MGST1: variants seen among roughly 807,000 people sequenced by gnomAD.
The protein encoded by MGST1 is glutathione S-transferase 12.
In MGST1, 5 loss-of-function variants were observed where a neutral mutation model predicts 8.9. That is an observed-to-expected ratio of 0.56 (90% CI 0.29 to 1.19). MGST1 has a LOEUF of 1.19. Ranked by LOEUF, MGST1 falls within the 50% of genes most tolerant of loss-of-function variation. The pLI is 0.08. For missense variants in MGST1, 182 were observed against 187.4 expected (o/e 0.97, Z 0.17); for synonymous variants, 54 against 67.8 (o/e 0.80, Z 1.00).
rs140616159 is a variant in MGST1 at position 16,373,862 on chromosome 12, T to C, written c.222-2260T>C. On this transcript the variant is annotated intron_variant, in intron 3 of 3. Coordinates refer to the MGST1 transcript ENST00000535309. Reference sequence around the variant, plus strand: ...ACTCAGTAATTTTTCAAGAATTTTCTCAGTTGTTAAAGGATTGAAATATTG... The same window carrying C: ...ACTCAGTAATTTTTCAAGAATTTTCCCAGTTGTTAAAGGATTGAAATATTG... 3.7e-3 allele frequency among the ~76,000 whole-genome samples: 561 copies of C among 152,248 alleles called. 3 individuals are homozygous for C. The highest frequency in any genetic ancestry group is 0.012 in the African/African-American group (495 of 41,574).
chr12:16,399,659 A>G (rs1940635895), intron 1 of MGST1: 2 of 1,572,018 alleles, frequency 1.3e-6, no homozygotes, highest in South Asian at 2.2e-5. Context: ...CAGGCTCCAG[A>G]AAAGACCAGA....
In MGST1 at chr12:16,401,553, C is replaced by T; in HGVS notation, n.778+17949C>T. On this transcript the variant is annotated intron_variant and non_coding_transcript_variant, in intron 1 of 1. Coordinates refer to the MGST1 transcript ENST00000359720. This position sits in a 1 kb window ranked among gnomAD's most constrained non-coding sequence, Gnocchi z 4.3. ...GAACTTCCTGAGGAGGATCAGCCAT[C>T]AAAGTGCGAACAGGTTGGAGCAATA... The T allele has an allele frequency of 2.7e-6, 3 of 1,127,518 alleles. No individual in the cohort carries two copies. Among genetic ancestry groups the T allele is most frequent in the Non-Finnish European group, 4.0e-6 (3 of 740,882 alleles). The allele number at this position is 1,127,518 out of a possible 1,614,324, so 69.8% of individuals were successfully genotyped here. A position where few individuals can be genotyped will look rare whatever the true frequency, so the allele number is the denominator to read the frequency against.
chr12:16,404,673 T>G (rs1439711465), intron 1 of MGST1, among the ~76,000 whole-genome samples: 1 of 152,166 alleles, frequency 6.6e-6, no homozygotes, highest in Non-Finnish European at 1.5e-5. Context: ...GCTTCATTTA[T>G]TCCTCTCCCT....
chr12:16,414,459 A>G (rs1329594949), intron 1 of MGST1, among the ~76,000 whole-genome samples: 1 of 145,436 alleles, frequency 6.9e-6, no homozygotes, highest in Non-Finnish European at 1.5e-5. Flanking sequence ...TCTGTTGCCC[A>G]GGCTGGAGTG....
intron 1 of MGST1, among the ~76,000 whole-genome samples, chr12:16,386,353 T>C (rs1183588936): frequency 6.6e-6 from 1 of 152,190 alleles, no homozygotes; most frequent in Non-Finnish European, 1.5e-5. Context: ...TAGCGGCATG[T>C]CACCCAAGCT....
rs575698295 is a variant in MGST1 at position 16,570,793 on chromosome 12, A to T, written n.483-18735A>T. Reference sequence around the variant, plus strand: ...AACAGTCACCTGATTATTCACAAAAAGTTATCAAATCACTTACCTTGAATA... The same window carrying T: ...AACAGTCACCTGATTATTCACAAAATGTTATCAAATCACTTACCTTGAATA... On this transcript the variant is annotated intron_variant and non_coding_transcript_variant, in intron 4 of 4. Coordinates refer to the MGST1 transcript ENST00000538857. 2.6e-5 allele frequency among the ~76,000 whole-genome samples: 4 copies of T among 152,316 alleles called. No homozygotes were observed. The East Asian group carries it at 7.7e-4, about 29-fold the overall frequency.
At chr12:16,523,241 G>T (rs1444436050) in intron 4 of MGST1, among the ~76,000 whole-genome samples, 2 of 151,970 alleles carry the variant, frequency 1.3e-5, no homozygotes, top group African/African-American at 4.8e-5. Flanking sequence ...CACGAAAAGA[G>T]CCCTGGACCA....
At chr12:16,379,983 C>T (rs964245334), downstream of MGST1, among the ~76,000 whole-genome samples, 8 of 152,100 alleles carry the variant, frequency 5.3e-5, no homozygotes, top group South Asian at 2.1e-4. Flanking sequence ...TCTGTGGGAT[C>T]GGTGGTGATA....
intron 4 of MGST1, among the ~76,000 whole-genome samples, chr12:16,507,756 AACTC>A (rs1488829546): frequency 6.6e-6 from 1 of 152,042 alleles, no homozygotes; most frequent in Non-Finnish European, 1.5e-5. Flanking sequence ...ATCTCGTGAG[AACTC>A]ACTCAATATC....
At chr12:16,536,957 A>G (rs1453227873) in intron 4 of MGST1, among the ~76,000 whole-genome samples, 80 of 152,120 alleles carry the variant, frequency 5.3e-4, no homozygotes, top group Non-Finnish European at 2.9e-5. Flanking sequence ...TTCAAAACCA[A>G]TCATGCCTTC....
rs10628214 is a variant in MGST1, at chr12:16,471,920, TACAC to T, written n.482+88334_482+88337del. ...AGTGTAGAGCTCACATACACACACA[TACAC>T]ACACACACACACACACAGACACCAA... On this transcript the variant is annotated intron_variant and non_coding_transcript_variant, in intron 4 of 4. Coordinates refer to the MGST1 transcript ENST00000538857. Among the ~76,000 whole-genome samples the T allele has an allele frequency of 1.3e-3, 191 of 149,004 alleles. 1 individual carries two copies. The highest frequency in any genetic ancestry group is 4.2e-3 in the African/African-American group (172 of 40,592).
At chr12:16,437,377 C>T (rs10772938) in intron 1 of MGST1, 96,470 of 151,720 alleles carry the variant, frequency 0.64, 30,901 homozygotes, top group East Asian at 0.81. Context: ...TGGCCCTTCT[C>T]GATTTTTCAG....
chr12:16,494,439 G>A (rs1010052433), intron 4 of MGST1, among the ~76,000 whole-genome samples: 3 of 152,114 alleles, frequency 2.0e-5, no homozygotes, highest in African/African-American at 7.2e-5. Flanking sequence ...TATTTCATAA[G>A]TTTGAGTATG....
rs559347914 is a variant in MGST1 at position 16,517,551 on chromosome 12, T to G, written n.483-71977T>G. The stretch of plus-strand genomic sequence containing the variant: ...TTTGTAAATTACCCAGTCAGTGCTA[T>G]TTTACTACAGCAGCACAAAACAGAG... On this transcript the variant is annotated intron_variant and non_coding_transcript_variant, in intron 4 of 4. Coordinates refer to the MGST1 transcript ENST00000538857. The surrounding 1 kb of genome is among the most constrained non-coding windows in gnomAD (Gnocchi z 4.2). Among the ~76,000 whole-genome samples the G allele has an allele frequency of 2.6e-5, 4 of 152,312 alleles. No individual in the cohort carries two copies. Among genetic ancestry groups the G allele is most frequent in the African/African-American group, 7.2e-5 (3 of 41,568 alleles).
At chr12:16,542,558 C>G (rs1163744757) in intron 4 of MGST1, among the ~76,000 whole-genome samples, 1 of 152,038 alleles carries the variant, frequency 6.6e-6, no homozygotes, top group Non-Finnish European at 1.5e-5. Context: ...CATACTTGAC[C>G]CTTCTTCATT....
intron 4 of MGST1, among the ~76,000 whole-genome samples, chr12:16,581,934 G>A (rs1464623181): frequency 3.3e-5 from 5 of 151,408 alleles, no homozygotes; most frequent in Admixed American, 2.0e-4. Flanking sequence ...GAGTTTTCTC[G>A]ATTTTCTGCA....
chr12:16,408,683 A>G (rs1310452523), intron 1 of MGST1, among the ~76,000 whole-genome samples: 2 of 152,122 alleles, frequency 1.3e-5, no homozygotes, highest in Non-Finnish European at 2.9e-5. Context: ...CACTTCTGGA[A>G]AACTTTTAGC....
rs575462994 is a variant in MGST1 at position 16,362,354 on chromosome 12, T to C, written c.222-1441T>C. On this transcript the variant is annotated intron_variant, in intron 3 of 3. Coordinates refer to ENST00000396210, the MANE Select transcript of MGST1 (RefSeq NM_020300.5). The surrounding 1 kb of genome is among the most constrained non-coding windows in gnomAD (Gnocchi z 4.4). ...TTTTCAAATCATTACTTAGCTGGGC[T>C]GCTGCTGTCCTCTTCATGTCTCTAT... 6.6e-6 allele frequency among the ~76,000 whole-genome samples: 1 copy of C among 152,288 alleles called. No homozygotes were observed. Among genetic ancestry groups the C allele is most frequent in the Admixed American group, 6.5e-5 (1 of 15,306 alleles).
intron 4 of MGST1, among the ~76,000 whole-genome samples, chr12:16,527,142 T>C (rs2137196393): frequency 6.6e-6 from 1 of 152,126 alleles, no homozygotes. Flanking sequence ...ATCTTAAATG[T>C]CTAGTGTTAT....
Sources: allele counts gnomAD v4.1 joint callset (sites outside exome capture counted in the v4.1 genomes callset), GRCh38; gene constraint gnomAD v4.1.1; non-coding constraint Gnocchi (gnomAD v3.1); transcripts MANE v1.5; gene names NCBI Gene and HGNC (gene_info 2026-07-23, HGNC 2026-07-21).